USP25: variants seen among roughly 807,000 people sequenced by gnomAD.
USP25 encodes ubiquitin specific peptidase 25.
In USP25, 85 loss-of-function variants were observed where a neutral mutation model predicts 158.5. The ratio of observed to expected loss-of-function variants is 0.54; its 90% CI spans 0.45 to 0.64. The LOEUF is 0.64. Among genes scored for constraint, USP25 ranks in the 30% least tolerant of loss-of-function variants. The probability of loss-of-function intolerance (pLI) is 0.00; values close to 1 mark genes in which losing one functional copy is unlikely to be tolerated. For missense variants in USP25, 1,242 were observed against 1,327.3 expected (o/e 0.94, Z 1.00); for synonymous variants, 464 against 460.4 (o/e 1.01, Z -0.10).
At chr21:15,835,459 A>G (rs968321201) in intron 17 of USP25, among the ~76,000 whole-genome samples, 1 of 152,182 alleles carries the variant, frequency 6.6e-6, no homozygotes, top group African/African-American at 2.4e-5. Flanking sequence ...TCTCTGTGAA[A>G]AGACCATGTG....
At chr21:15,774,339 TCA>T (rs2034519295) in intron 3 of USP25, among the ~76,000 whole-genome samples, 1 of 152,200 alleles carries the variant, frequency 6.6e-6, no homozygotes, top group African/African-American at 2.4e-5. Context: ...TTTGTTAATA[TCA>T]CCACTCATAT....
At chr21:15,854,852 A>C (rs773503517) in intron 20 of USP25, among the ~76,000 whole-genome samples, 2 of 152,168 alleles carry the variant, frequency 1.3e-5, no homozygotes, top group African/African-American at 2.4e-5. Flanking sequence ...AAAAAATGCA[A>C]TGGGCTACAC....
In USP25 at chr21:15,842,556, T is replaced by G. The variant is rs758142991; in HGVS notation, c.2337+16T>G. The G allele has an allele frequency of 3.7e-6, 6 of 1,612,148 alleles. No homozygotes were observed. In the East Asian group the frequency reaches 1.1e-4, roughly 30 times the overall value. On this transcript the variant is annotated intron_variant, in intron 18 of 25. Coordinates refer to ENST00000400183, the MANE Select transcript of USP25 (RefSeq NM_001283041.3). Reference sequence around the variant, plus strand: ...TTTGCAGTCGGTAAGAACTTTTCTTTTGGCTCTCTGAACATAGCCATGGTC... The same window carrying G: ...TTTGCAGTCGGTAAGAACTTTTCTTGTGGCTCTCTGAACATAGCCATGGTC...
intron 20 of USP25, among the ~76,000 whole-genome samples, chr21:15,862,563 C>A (rs1477566346): frequency 6.7e-6 from 1 of 148,688 alleles, no homozygotes; most frequent in Non-Finnish European, 1.5e-5. Flanking sequence ...TGGTCTCCCC[C>A]CTTCCCCGTT....
intron 9 of USP25, among the ~76,000 whole-genome samples, chr21:15,814,312 T>C (rs2036824794): frequency 1.3e-5 from 2 of 151,694 alleles, no homozygotes; most frequent in South Asian, 2.1e-4. Flanking sequence ...ATGTCTTTAT[T>C]AGCAGCTTGA....
chr21:15,788,996 C>T (rs747398853), intron 4 of USP25, among the ~76,000 whole-genome samples: 5 of 151,934 alleles, frequency 3.3e-5, no homozygotes, highest in Non-Finnish European at 5.9e-5. Context: ...TGTCTTGGTT[C>T]GTATCCCTAA....
intron 19 of USP25, among the ~76,000 whole-genome samples, chr21:15,849,291 CTT>C (rs2038777542): frequency 6.6e-6 from 1 of 152,060 alleles, no homozygotes; most frequent in African/African-American, 2.4e-5. Flanking sequence ...TGCATTGGAA[CTT>C]TTAAAAATGA....
intron 23 of USP25, among the ~76,000 whole-genome samples, chr21:15,872,866 G>A (rs1201021161): frequency 6.6e-6 from 1 of 151,938 alleles, no homozygotes; most frequent in Non-Finnish European, 1.5e-5. Flanking sequence ...ATTATTGGCA[G>A]GAGCGTCTAG....
At position 15,816,072 on chromosome 21, in the gene USP25, A is replaced by G. The variant is rs1294167208; in HGVS notation, c.932-2626A>G. On this transcript the variant is annotated intron_variant, in intron 9 of 25. Transcript: ENST00000400183. The surrounding 1 kb of genome is among the most constrained non-coding windows in gnomAD (Gnocchi z 4.0). The stretch of plus-strand genomic sequence containing the variant: ...CCTGATGTAAATCTCAACTTGAATT[A>G]TATCTCCCAGAGTTCCCACATGTTG... Among the ~76,000 whole-genome samples the G allele has an allele frequency of 6.6e-6, 1 of 152,144 alleles. No individual in the cohort carries two copies. The highest frequency in any genetic ancestry group is 1.9e-4 in the East Asian group (1 of 5,174).
intron 10 of USP25, among the ~76,000 whole-genome samples, 171 bp downstream of exon 10, chr21:15,819,017 T>C (rs1209186984): frequency 2.0e-5 from 3 of 152,198 alleles, no homozygotes; most frequent in Non-Finnish European, 4.4e-5. Context: ...GTCCAGTCAA[T>C]ATGGCCTATA....
chr21:15,777,887 A>C lies in USP25; in HGVS notation c.269-17A>C. On this transcript the variant is annotated splice_polypyrimidine_tract_variant and intron_variant, in intron 3 of 25. Coordinates refer to ENST00000400183, the MANE Select transcript of USP25 (RefSeq NM_001283041.3). ...TGTTTTACTTTTAATTTTGAGAAAG[A>C]TAGTTTTGCTTTTCAGATGTGATTG... 6.4e-7 allele frequency: 1 copy of C among 1,563,762 alleles called. No individual in the cohort carries two copies. Among genetic ancestry groups the C allele is most frequent in the Middle Eastern group, 1.7e-4 (1 of 5,820 alleles).
intron 5 of USP25, among the ~76,000 whole-genome samples, chr21:15,794,892 A>G (rs1194959009): frequency 1.3e-5 from 2 of 151,586 alleles, no homozygotes; most frequent in Non-Finnish European, 3.0e-5. Flanking sequence ...ACCAAAAGGG[A>G]GCATGTATGG....
At chr21:15,864,567 C>A (rs908011691) in intron 21 of USP25, 121 bp downstream of exon 21, 1 of 938,868 alleles carries the variant, frequency 1.1e-6, no homozygotes, top group South Asian at 2.1e-5. Flanking sequence ...TTAATAAATA[C>A]GTAACAAAAT....
At chr21:15,773,379 C>G (rs927792634) in intron 3 of USP25, 2 of 152,328 alleles carry the variant, frequency 1.3e-5, no homozygotes, top group African/African-American at 4.8e-5. Flanking sequence ...AGTGAATATT[C>G]TATCTAAAGA....
At position 15,762,877 on chromosome 21, in the gene USP25, T is replaced by C. The variant is rs1296192349; in HGVS notation, c.46-14T>C. ...GTTGAGAATATAATGATTTTGGGTT[T>C]TTCCTCCCTCTAGCACCAGCAGACG... On this transcript the variant is annotated splice_polypyrimidine_tract_variant and intron_variant, in intron 1 of 25. Coordinates refer to ENST00000400183, the MANE Select transcript of USP25 (RefSeq NM_001283041.3). 27 of 1,606,050 alleles carry C rather than the reference T, an allele frequency of 1.7e-5. No homozygotes were observed. Among genetic ancestry groups the C allele is most frequent in the Non-Finnish European group, 2.2e-5 (26 of 1,176,970 alleles).
intron 1 of USP25, among the ~76,000 whole-genome samples, chr21:15,742,448 G>C (rs953610107): frequency 6.6e-6 from 1 of 152,170 alleles, no homozygotes; most frequent in Non-Finnish European, 1.5e-5. Flanking sequence ...ATTCATGCCA[G>C]AATACATGCA....
chr21:15,818,604 C>A (rs750609065), intron 9 of USP25, 94 bp from the exon 10 acceptor site: 56 of 1,112,482 alleles, frequency 5.0e-5, no homozygotes, highest in Admixed American at 1.2e-4. Flanking sequence ...GTCAGTGTTA[C>A]AATTTTCAGG....
At chr21:15,777,363 C>T (rs73892532) in intron 3 of USP25, among the ~76,000 whole-genome samples, 2,303 of 152,078 alleles carry the variant, frequency 0.015, 46 homozygotes, top group African/African-American at 0.052. Context: ...CAGAGTTAAC[C>T]ACTGTTAATA....
At chr21:15,767,136 C>G (rs761303916) in intron 3 of USP25, among the ~76,000 whole-genome samples, 1 of 152,048 alleles carries the variant, frequency 6.6e-6, no homozygotes, top group African/African-American at 2.4e-5. Flanking sequence ...TCAAGGCAAG[C>G]TGTGACTGGG....
Sources: allele counts gnomAD v4.1 joint callset (sites outside exome capture counted in the v4.1 genomes callset), GRCh38; gene constraint gnomAD v4.1.1; non-coding constraint Gnocchi (gnomAD v3.1); transcripts MANE v1.5; gene names NCBI Gene and HGNC (gene_info 2026-07-23, HGNC 2026-07-21).